Variants in CHODL observed in about 807,000 individuals in gnomAD.
The protein encoded by CHODL is transmembrane protein MT75.
In CHODL, 29 loss-of-function variants were observed where a neutral mutation model predicts 34.5. That is an observed-to-expected ratio of 0.84 (90% CI 0.63 to 1.15). CHODL has a LOEUF of 1.15. Among genes scored for constraint, CHODL ranks in the 50% most tolerant of loss-of-function variants. The pLI, the probability that CHODL is intolerant of heterozygous loss-of-function variation, is 0.00. For synonymous variants in CHODL, 125 were observed against 116.1 expected, an observed-to-expected ratio of 1.08 and a Z score of -0.49; for missense variants, 332 against 332.5, an observed-to-expected ratio of 1.00 and a Z score of 0.01.
intron 1 of CHODL, among the ~76,000 whole-genome samples, chr21:18,005,203 G>A (rs1299844042): frequency 6.6e-6 from 1 of 152,196 alleles, no homozygotes; most frequent in Non-Finnish European, 1.5e-5. Context: ...CTTGCACCAT[G>A]ACTTGGGCCA....
intron 2 of CHODL, among the ~76,000 whole-genome samples, chr21:18,239,716 G>T (rs922924325): frequency 2.0e-5 from 3 of 151,742 alleles, no homozygotes; most frequent in Non-Finnish European, 4.4e-5. Flanking sequence ...TGGCCTCTTA[G>T]TTGGATTATC....
intron 2 of CHODL, among the ~76,000 whole-genome samples, chr21:18,178,635 G>A (rs1298807137): frequency 6.6e-6 from 1 of 152,088 alleles, no homozygotes; most frequent in Non-Finnish European, 1.5e-5. Flanking sequence ...AAAATCATAA[G>A]GAAGAGGAAA....
At position 18,027,320 on chromosome 21, in the gene CHODL, C is replaced by T. The variant is rs372216205; in HGVS notation, c.-144-552C>T. 2.0e-5 allele frequency among the ~76,000 whole-genome samples: 3 copies of T among 152,048 alleles called. No homozygotes were observed. In the South Asian group the frequency reaches 6.2e-4, roughly 32 times the overall value. ...AATAAAAAAAACTCTCCAGAAATAA[C>T]ATGTCCTTTCATTAGTTTTTTAATA... On this transcript the variant is annotated intron_variant, in intron 1 of 6. Transcript: ENST00000400127.
chr21:17,982,304 A>T (rs1004602451), intron 1 of CHODL, among the ~76,000 whole-genome samples: 4 of 152,186 alleles, frequency 2.6e-5, no homozygotes, highest in African/African-American at 9.7e-5. Flanking sequence ...CAGATCTTTG[A>T]CTAAGTTTTA....
chr21:18,120,981 G>C (rs1198308842), intron 2 of CHODL, among the ~76,000 whole-genome samples: 1 of 151,796 alleles, frequency 6.6e-6, no homozygotes, highest in Non-Finnish European at 1.5e-5. Context: ...TAGTTATAAG[G>C]CTCGGATTGC....
At chr21:18,231,617 T>G (rs2073979656) in intron 2 of CHODL, among the ~76,000 whole-genome samples, 1 of 152,114 alleles carries the variant, frequency 6.6e-6, no homozygotes, top group South Asian at 2.1e-4. Flanking sequence ...CTTTTCAAGG[T>G]TCTTGCACCC....
At chr21:18,134,257 T>G (rs1027526228) in intron 2 of CHODL, 6 of 495,604 alleles carry the variant, frequency 1.2e-5, no homozygotes, top group African/African-American at 1.2e-4. Context: ...CTGCCTGATC[T>G]TGCCATTTTT....
intron 1 of CHODL, among the ~76,000 whole-genome samples, chr21:17,983,728 A>G (rs2063731661): frequency 6.6e-6 from 1 of 152,108 alleles, no homozygotes; most frequent in Non-Finnish European, 1.5e-5. Flanking sequence ...TTTGTTTTGT[A>G]TATATTTGTG....
In CHODL at chr21:17,985,419, TTAG is replaced by T. The variant is rs763301141; in HGVS notation, c.-144-42448_-144-42446del. Among the ~76,000 whole-genome samples the T allele has an allele frequency of 9.7e-4, 148 of 152,320 alleles. 1 individual carries two copies. Among genetic ancestry groups the T allele is most frequent in the Non-Finnish European group, 1.6e-3 (111 of 68,014 alleles). On this transcript the variant is annotated intron_variant, in intron 1 of 6. Coordinates refer to the CHODL transcript ENST00000400127. Reference sequence around the variant, plus strand: ...TATTTACCTGTTTCAATTTCTGCAATTAGTAGTGAATCTGGTAATGTCTGCATT... The same window carrying T: ...TATTTACCTGTTTCAATTTCTGCAATTAGTGAATCTGGTAATGTCTGCATT...
intron 2 of CHODL, among the ~76,000 whole-genome samples, chr21:18,080,038 C>A (rs1437571636): frequency 6.6e-6 from 1 of 151,964 alleles, no homozygotes; most frequent in African/African-American, 2.4e-5. Context: ...TCTGACCGGT[C>A]TAAGATGGTA....
chr21:18,209,574 TC>T (rs1203627776), intron 2 of CHODL, among the ~76,000 whole-genome samples: 1 of 152,050 alleles, frequency 6.6e-6, no homozygotes, highest in Non-Finnish European at 1.5e-5. Context: ...CTCTTTCCAC[TC>T]CTTTTCTCAA....
intron 1 of CHODL, chr21:18,246,047 ATT>A: frequency 9.9e-7 from 1 of 1,012,158 alleles, no homozygotes; most frequent in Non-Finnish European, 1.5e-6. Flanking sequence ...GTTGTCTTTG[ATT>A]TTTCTTTTTT....
At chr21:18,231,578 A>C (rs976636473) in intron 2 of CHODL, among the ~76,000 whole-genome samples, 1 of 151,988 alleles carries the variant, frequency 6.6e-6, no homozygotes, top group Non-Finnish European at 1.5e-5. Context: ...TTGTTTTTTA[A>C]CCTATTGAAA....
chr21:18,201,919 C>G (rs1262276400), intron 2 of CHODL, among the ~76,000 whole-genome samples: 1 of 151,324 alleles, frequency 6.6e-6, no homozygotes, highest in Non-Finnish European at 1.5e-5. Context: ...ATTCTCCTGC[C>G]TCAGCCTCCT....
intron 1 of CHODL, among the ~76,000 whole-genome samples, chr21:18,009,269 G>C (rs1309935133): frequency 6.6e-6 from 1 of 152,038 alleles, no homozygotes; most frequent in Non-Finnish European, 1.5e-5. Context: ...TATATGTGTG[G>C]TGATTGTTAC....
At chr21:17,933,708 T>A (rs1304992825) in intron 1 of CHODL, among the ~76,000 whole-genome samples, 1 of 152,126 alleles carries the variant, frequency 6.6e-6, no homozygotes, top group Non-Finnish European at 1.5e-5. Flanking sequence ...TTCTCACTTA[T>A]AAGTGGGAGC....
chr21:18,209,652 C>A (rs1174152787), intron 2 of CHODL, among the ~76,000 whole-genome samples: 2 of 152,178 alleles, frequency 1.3e-5, no homozygotes, highest in Admixed American at 6.5e-5. Context: ...GAAGCCAGCA[C>A]AGCTCTGAGT....
At chr21:17,922,497 G>C (rs980955935) in intron 1 of CHODL, among the ~76,000 whole-genome samples, 1 of 152,192 alleles carries the variant, frequency 6.6e-6, no homozygotes, top group African/African-American at 2.4e-5. Context: ...AAGATGGGTT[G>C]ATAAATCTGG....
intron 2 of CHODL, among the ~76,000 whole-genome samples, chr21:18,071,923 A>C (rs909890974): frequency 6.6e-6 from 1 of 152,124 alleles, no homozygotes; most frequent in African/African-American, 2.4e-5. Flanking sequence ...GCATTGTAAA[A>C]ATTTTGTTAT....
Sources: allele counts gnomAD v4.1 joint callset (sites outside exome capture counted in the v4.1 genomes callset), GRCh38; gene constraint gnomAD v4.1.1; transcripts MANE v1.5; gene names NCBI Gene and HGNC (gene_info 2026-07-23, HGNC 2026-07-21).